BTD: variants seen among roughly 807,000 people sequenced by gnomAD.
BTD encodes biocytinase.
Under a neutral mutation model 17.7 loss-of-function variants are expected in BTD, and 13 were observed. The ratio of observed to expected loss-of-function variants is 0.74; its 90% CI spans 0.48 to 1.17. BTD has a LOEUF of 1.17. Ranked by LOEUF, BTD falls within the 50% of genes most tolerant of loss-of-function variation. The pLI is 0.00. For synonymous variants in BTD, 240 were observed against 245.2 expected, an observed-to-expected ratio of 0.98 and a Z score of 0.20; for missense variants, 674 against 650.4, an observed-to-expected ratio of 1.04 and a Z score of -0.39.
intron 4 of BTD, among the ~76,000 whole-genome samples, chr3:15,717,801 T>C (rs1245505445): frequency 2.0e-5 from 3 of 152,196 alleles, no homozygotes; most frequent in African/African-American, 7.2e-5. Flanking sequence ...CCTATACTGC[T>C]TTATAAACCT....
rs980083786 is a variant in BTD at position 15,644,681 on chromosome 3, G to C, written c.765G>C (p.Gln255His). ...TGTACCCAACTGCCTGGATGAACCAGCTCCCACTCTTGGCAGCAATTGAGA... is the reference window on the plus strand; with the variant it reads ...TGTACCCAACTGCCTGGATGAACCACCTCCCACTCTTGGCAGCAATTGAGA... The part of the protein sequence containing the change: ...HVVYPTAWMN[Q>H]LPLLAAIEIQ... The change falls in exon 4 of 4, where the codon CAG becomes CAC. Residue 255 changes from glutamine to histidine, a missense_variant. Gln to His is a conservative substitution (Grantham distance 24). Coordinates refer to ENST00000643237, the MANE Select transcript of BTD (RefSeq NM_001370658.1). 1.9e-6 allele frequency: 3 copies of C among 1,614,068 alleles called. No individual in the cohort carries two copies. Among genetic ancestry groups the C allele is most frequent in the African/African-American group, 1.3e-5 (1 of 74,908 alleles).
chr3:15,695,112 A>G, intron 3 of BTD: 2 of 1,193,868 alleles, frequency 1.7e-6, no homozygotes, highest in Non-Finnish European at 2.5e-6. Context: ...CTCTAATGAG[A>G]GCAAACAGAT....
intron 3 of BTD, among the ~76,000 whole-genome samples, chr3:15,702,587 G>C (rs2070770776): frequency 6.6e-6 from 1 of 152,220 alleles, no homozygotes; most frequent in South Asian, 2.1e-4. Context: ...GTTAAAATCG[G>C]AATGCATTTC....
At chr3:15,601,740 CTAGCAGGAGAT>C in exon 1 of BTD, 1 of 1,582,748 alleles carries the variant, frequency 6.3e-7, no homozygotes, top group East Asian at 2.3e-5. Context: ...GGAGGCGGGA[CTAGCAGGAGAT>C]TGCTGCCTAT....
At chr3:15,620,849 G>C (rs1574991406) in intron 1 of BTD, among the ~76,000 whole-genome samples, 1 of 152,216 alleles carries the variant, frequency 6.6e-6, no homozygotes. Flanking sequence ...ATACGAAAGA[G>C]ATTTATTAGA....
rs752866830 is a variant in BTD at position 15,684,963 on chromosome 3, A to AAAAAG, written c.400-25077_400-25073dup. The stretch of plus-strand genomic sequence containing the variant: ...ACATAGCAAGATCCTACCAAAACTA[A>AAAAAG]AAAAGAAAAGAAAAGAAAAGAAAAA... On this transcript the variant is annotated intron_variant, in intron 3 of 3. Transcript: ENST00000672141. 67 of 421,446 alleles carry AAAAAG rather than the reference A, an allele frequency of 1.6e-4. 1 individual carries two copies. Among genetic ancestry groups the AAAAAG allele is most frequent in the African/African-American group, 3.6e-4 (18 of 49,590 alleles). 26.1% of individuals were successfully genotyped at this position (421,446 alleles called of 1,614,324 possible).
Position 15,648,746 on chromosome 3 carries a change from A to T in BTD, c.*3258A>T, listed in dbSNP as rs1044341696. Among the ~76,000 whole-genome samples, 9 of 152,330 alleles carry T rather than the reference A, an allele frequency of 5.9e-5. 2 individuals carry two copies. Among genetic ancestry groups the T allele is most frequent in the Admixed American group, 5.2e-4 (8 of 15,298 alleles). The stretch of plus-strand genomic sequence containing the variant: ...TTATTTGGAAATAGGGTCTTTGCAG[A>T]TGCAATGAAGATATAAGTTAAAATG... On this transcript the variant is annotated 3_prime_UTR_variant, in exon 4 of 4. Transcript: ENST00000643237.
chr3:15,615,415 G>C (rs1373222472), intron 1 of BTD, among the ~76,000 whole-genome samples: 2 of 152,186 alleles, frequency 1.3e-5, no homozygotes, highest in East Asian at 3.8e-4. Flanking sequence ...TTTCAATAAA[G>C]GAATCATTCC....
At position 15,630,758 on chromosome 3, in the gene BTD, G is replaced by C. The variant is rs574120481; in HGVS notation, c.-16-4666G>C. Reference sequence around the variant, plus strand: ...ATATTAGCTTGATAACTTATTCACAGTTGCTGGTGAGTTCAGGCTTAAATC... The same window carrying C: ...ATATTAGCTTGATAACTTATTCACACTTGCTGGTGAGTTCAGGCTTAAATC... On this transcript the variant is annotated intron_variant, in intron 1 of 3. Transcript: ENST00000643237. Among the ~76,000 whole-genome samples the C allele has an allele frequency of 4.6e-5, 7 of 152,222 alleles. No individual in the cohort carries two copies. The East Asian group carries it at 1.4e-3, about 29-fold the overall frequency.
chr3:15,697,453 T>C (rs1325028559), intron 3 of BTD: 2 of 152,018 alleles, frequency 1.3e-5, no homozygotes, highest in Non-Finnish European at 2.9e-5. Context: ...AAAAACCACC[T>C]GTTCCCCAGG....
In BTD at chr3:15,650,414, T is replaced by C. The variant is rs1305245589; in HGVS notation, c.*4926T>C. On this transcript the variant is annotated 3_prime_UTR_variant, in exon 4 of 4. Transcript: ENST00000643237. ...CTTCTCATTTTCCTTCTCATTCTCT[T>C]CATCTTTTTCTTTTTGTTTGAGCAA... is the stretch of plus-strand genomic sequence containing the variant. 7.0e-6 allele frequency among the ~76,000 whole-genome samples: 1 copy of C among 142,798 alleles called. No homozygotes were observed. Among genetic ancestry groups the C allele is most frequent in the African/African-American group, 2.6e-5 (1 of 37,860 alleles). 93.7% of individuals were successfully genotyped at this position (142,798 alleles called of 152,430 possible).
intron 1 of BTD, among the ~76,000 whole-genome samples, chr3:15,611,808 T>A (rs1441070597): frequency 6.6e-6 from 1 of 152,092 alleles, no homozygotes; most frequent in South Asian, 2.1e-4. Context: ...ATAATGTATT[T>A]TTTTTCTAGG....
chr3:15,663,616 A>G (rs1254792592), intron 3 of BTD, among the ~76,000 whole-genome samples: 3 of 152,008 alleles, frequency 2.0e-5, no homozygotes, highest in African/African-American at 4.8e-5. Context: ...GTTGTTCATG[A>G]TATTCCTTTA....
At chr3:15,601,461 C>T, upstream of BTD, 3 of 1,613,120 alleles carry the variant, frequency 1.9e-6, no homozygotes, top group South Asian at 3.3e-5. Context: ...TACTGTCCGG[C>T]ATCTTCCACC....
At chr3:15,710,822 AT>A (rs920476939) in exon 4 of BTD, among the ~76,000 whole-genome samples, 7 of 151,852 alleles carry the variant, frequency 4.6e-5, no homozygotes, top group African/African-American at 1.7e-4. Context: ...CAAAATGAAC[AT>A]TTTTTTCCTG....
chr3:15,627,694 A>G (rs1037739109), intron 1 of BTD, among the ~76,000 whole-genome samples: 2 of 152,098 alleles, frequency 1.3e-5, no homozygotes, highest in African/African-American at 2.4e-5. Flanking sequence ...TTTCTAGCCT[A>G]TCCTATTAAG....
intron 3 of BTD, among the ~76,000 whole-genome samples, chr3:15,642,579 C>T (rs1282661906): frequency 1.3e-5 from 2 of 151,814 alleles, no homozygotes; most frequent in Admixed American, 6.6e-5. Context: ...CTCAGCCTCC[C>T]GAGTAGCTGG....
downstream of BTD, among the ~76,000 whole-genome samples, chr3:15,658,340 G>T (rs1359099380): frequency 2.6e-5 from 4 of 152,176 alleles, no homozygotes; most frequent in Admixed American, 6.5e-5. Flanking sequence ...CCCCCTGATG[G>T]CTATTACCTG....
At chr3:15,709,613 C>T in intron 3 of BTD, 2 of 1,235,572 alleles carry the variant, frequency 1.6e-6, no homozygotes, top group Non-Finnish European at 2.3e-6. Context: ...GTTAGAAGGT[C>T]AATCAAGTTA....
Sources: allele counts gnomAD v4.1 joint callset (sites outside exome capture counted in the v4.1 genomes callset), GRCh38; gene constraint gnomAD v4.1.1; transcripts MANE v1.5; gene names NCBI Gene and HGNC (gene_info 2026-07-23, HGNC 2026-07-21).